FAM131A: variants seen among roughly 807,000 people sequenced by gnomAD.
FAM131A encodes the protein protein FAM131A.
Under a neutral mutation model 39.2 loss-of-function variants are expected in FAM131A, and 24 were observed. The ratio of observed to expected loss-of-function variants is 0.61; its 90% CI spans 0.44 to 0.86. The LOEUF is 0.86. FAM131A is among the 40% of genes least tolerant of loss of function. FAM131A has a pLI of 0.00. For synonymous variants in FAM131A, 202 were observed against 206.8 expected, an observed-to-expected ratio of 0.98 and a Z score of 0.20; for missense variants, 373 against 481.2, an observed-to-expected ratio of 0.78 and a Z score of 2.10.
At position 184,338,477 on chromosome 3, in the gene FAM131A, G is replaced by T; in HGVS notation, c.179G>T (p.Gly60Val). ...TTGGGATCTGCTCGAACCCTCCGAG[G>T]CTGGAGCAGGTCCTCCCGCCCTTCC... ...SSLGSARTLR[G>V]WSRSSRPSSV... Residue 60 changes from glycine (G) to valine (V), a missense_variant, in exon 2 of 6, where the codon GGC (glycine) becomes GTC (valine). Gly to Val is a moderately radical substitution (Grantham distance 109). This residue lies in a region of FAM131A where 221 missense variants were observed against 347.7 expected (regional missense o/e 0.64). Coordinates refer to ENST00000383847, the MANE Select transcript of FAM131A (RefSeq NM_144635.5). The T allele has an allele frequency of 2.0e-6, 3 of 1,535,994 alleles. No individual in the cohort carries two copies.
At position 184,344,732 on chromosome 3, in the gene FAM131A, G is replaced by A; in HGVS notation, c.863G>A (p.Ser288Asn). 1 of 1,612,306 alleles carries A rather than the reference G, an allele frequency of 6.2e-7. No individual in the cohort carries two copies. Among genetic ancestry groups the A allele is most frequent in the Non-Finnish European group, 8.5e-7 (1 of 1,179,988 alleles). Residue 288 changes from serine (S) to asparagine (N), a missense_variant, in exon 6 of 6, where the codon AGC becomes AAC. Transcript: ENST00000383847. ...CTGCTTCTCGCCAAACTGCCCCCCA[G>A]CCGGGAAAGTGCCTTCCGCAGCCTG... The part of the protein sequence containing the change: ...DELLLAKLPP[S>N]RESAFRSLGP...
Position 184,344,728 on chromosome 3 carries a change from C to G in FAM131A, c.859C>G (p.Pro287Ala). 6.2e-7 allele frequency: 1 copy of G among 1,612,404 alleles called. No individual in the cohort carries two copies. Among genetic ancestry groups the G allele is most frequent in the Non-Finnish European group, 8.5e-7 (1 of 1,179,998 alleles). ...GDELLLAKLPPSRESAFRSLG... is the reference protein window; with the variant it reads ...GDELLLAKLPASRESAFRSLG... ...TGAGCTGCTTCTCGCCAAACTGCCC[C>G]CCAGCCGGGAAAGTGCCTTCCGCAG... Residue 287 changes from proline to alanine, a missense_variant, in exon 6 of 6, where the codon CCC becomes GCC. Around this residue, in one of 2 missense-constraint regions of FAM131A, gnomAD observed 152 missense variants for 133.5 expected, o/e 1.14. Coordinates refer to ENST00000383847, the MANE Select transcript of FAM131A (RefSeq NM_144635.5).
chr3:184,341,927 C>T, intron 3 of FAM131A, 110 bp downstream of exon 3: 1 of 1,502,248 alleles, frequency 6.7e-7, no homozygotes, highest in East Asian at 2.3e-5. Flanking sequence ...CCTTTCTTCC[C>T]TTGCTCAGGT....
In FAM131A at chr3:184,342,527, T is replaced by C. The variant is rs1727431236; in HGVS notation, c.509-217T>C. Among the ~76,000 whole-genome samples, 1 of 152,054 alleles carries C rather than the reference T, an allele frequency of 6.6e-6. No homozygotes were observed. Among genetic ancestry groups the C allele is most frequent in the Non-Finnish European group, 1.5e-5 (1 of 68,008 alleles). ...TTCACCGTCTAGGCCAGGCTGGTCT[T>C]GAACTCCTGACCTAGTGATCCACCT... On this transcript the variant is annotated intron_variant, in intron 4 of 5. Transcript: ENST00000383847. The surrounding 1 kb of genome is among the most constrained non-coding windows in gnomAD (Gnocchi z 4.6).
At position 184,342,324 on chromosome 3, in the gene FAM131A, T is replaced by C; in HGVS notation, c.508+76T>C. 1 of 1,472,738 alleles carries C rather than the reference T, an allele frequency of 6.8e-7. No homozygotes were observed. Among genetic ancestry groups the C allele is most frequent in the African/African-American group, 1.4e-5 (1 of 71,050 alleles). The allele number at this position is 1,472,738 out of a possible 1,614,324, so 91.2% of individuals were successfully genotyped here. On this transcript the variant is annotated intron_variant, in intron 4 of 5. Transcript: ENST00000383847. This position sits in a 1 kb window ranked among gnomAD's most constrained non-coding sequence, Gnocchi z 4.6. ...TTTCTTTATTTTATTTAATTTTTTT[T>C]TGAGACGGAGTCTCACTCTGTCGCC...
intron 5 of FAM131A, 113 bp from the exon 6 acceptor site, chr3:184,344,382 C>A: frequency 2.0e-6 from 2 of 1,008,686 alleles, no homozygotes; most frequent in Non-Finnish European, 2.9e-6. Flanking sequence ...GGTTACCCAG[C>A]ACCTATCCAC....
chr3:184,338,740 C>T, intron 2 of FAM131A: 1 of 552,406 alleles, frequency 1.8e-6, no homozygotes, highest in Non-Finnish European at 3.1e-6. Context: ...TCCGCGCTGA[C>T]GTCAGCGCAT....
At chr3:184,337,907 T>G (rs569628570) in intron 1 of FAM131A, among the ~76,000 whole-genome samples, 189 bp downstream of exon 1, 4 of 151,562 alleles carry the variant, frequency 2.6e-5, no homozygotes, top group Admixed American at 6.6e-5. Context: ...TCAGAAAAAA[T>G]ATCATGAGTT....
Position 184,344,782 on chromosome 3 carries a change from C to T in FAM131A, c.913C>T (p.Leu305Phe), listed in dbSNP as rs1422993247. Residue 305 changes from leucine (L) to phenylalanine (F), a missense_variant, in exon 6 of 6, where the codon CTC becomes TTC. Coordinates refer to ENST00000383847, the MANE Select transcript of FAM131A (RefSeq NM_144635.5). The stretch of plus-strand genomic sequence containing the variant: ...GGGCCCACTGGAGGCCCAGGACTCA[C>T]TCTACAACTCGCCCCTCACAGAGTC... The part of the protein sequence containing the change: ...SLGPLEAQDS[L>F]YNSPLTESCL... 2 of 1,612,302 alleles carry T rather than the reference C, an allele frequency of 1.2e-6. No homozygotes were observed. The highest frequency in any genetic ancestry group is 2.2e-5 in the South Asian group (2 of 91,090).
At position 184,344,813 on chromosome 3, in the gene FAM131A, T is replaced by A; in HGVS notation, c.944T>A (p.Leu315His). The A allele has an allele frequency of 6.2e-7, 1 of 1,612,202 alleles. No individual in the cohort carries two copies. The highest frequency in any genetic ancestry group is 1.3e-5 in the African/African-American group (1 of 75,062). ...LYNSPLTESC[L>H]SPAEEEPAPC... ...AACTCGCCCCTCACAGAGTCCTGCC[T>A]TTCCCCCGCGGAGGAGGAGCCAGCC... is the stretch of plus-strand genomic sequence containing the variant. The change falls in exon 6 of 6, where the codon CTT becomes CAT. Residue 315 changes from leucine (L) to histidine (H), a missense_variant. Coordinates refer to ENST00000383847, the MANE Select transcript of FAM131A (RefSeq NM_144635.5).
At chr3:184,344,143 G>A (rs752756234) in intron 5 of FAM131A, among the ~76,000 whole-genome samples, 8 of 152,148 alleles carry the variant, frequency 5.3e-5, no homozygotes, top group Non-Finnish European at 8.8e-5. Context: ...GTGCCACCAC[G>A]CCCGGCTAAT....
In FAM131A at chr3:184,344,441, T is replaced by C. The variant is rs577325416; in HGVS notation, c.626-54T>C. 1,696 of 1,475,714 alleles carry C rather than the reference T, an allele frequency of 1.1e-3. 15 individuals are homozygous for C. Among genetic ancestry groups the C allele is most frequent in the East Asian group, 5.3e-3 (232 of 43,536 alleles). The allele number at this position is 1,475,714 out of a possible 1,614,324, so 91.4% of individuals were successfully genotyped here. A position where few individuals can be genotyped will look rare whatever the true frequency, so the allele number is the denominator to read the frequency against. ...AGTGGGGTGAATGTGGCTTCCAGGTTGTCCAGTTGAAATGGAGCCAGCAGG... is the reference window on the plus strand; with the variant it reads ...AGTGGGGTGAATGTGGCTTCCAGGTCGTCCAGTTGAAATGGAGCCAGCAGG... On this transcript the variant is annotated intron_variant, in intron 5 of 5. Transcript: ENST00000383847.
chr3:184,345,816 T>A lies in FAM131A; in HGVS notation c.*846T>A. 1 of 551,530 alleles carries A rather than the reference T, an allele frequency of 1.8e-6. No individual in the cohort carries two copies. The highest frequency in any genetic ancestry group is 3.1e-5 in the East Asian group (1 of 32,136). 34.2% of individuals were successfully genotyped at this position (551,530 alleles called of 1,614,324 possible). On this transcript the variant is annotated 3_prime_UTR_variant, in exon 6 of 6. Transcript: ENST00000383847. ...GCTCTGGTTGCCACAGAGCTGGGACTTCATGTTCTTCTAGAGAGGGCCACA... is the reference window on the plus strand; with the variant it reads ...GCTCTGGTTGCCACAGAGCTGGGACATCATGTTCTTCTAGAGAGGGCCACA...
Position 184,346,029 on chromosome 3 carries a change from G to A in FAM131A, c.*1059G>A, listed in dbSNP as rs569263762. On this transcript the variant is annotated 3_prime_UTR_variant, in exon 6 of 6. Transcript: ENST00000383847. The surrounding 1 kb of genome is among the most constrained non-coding windows in gnomAD (Gnocchi z 6.0). Reference sequence around the variant, plus strand: ...CCCCAGCCAGGGTGTTAATGCCCACGTAGTGGAGGCCTCTGGCAGATCCTG... The same window carrying A: ...CCCCAGCCAGGGTGTTAATGCCCACATAGTGGAGGCCTCTGGCAGATCCTG... 4.1e-4 allele frequency: 77 copies of A among 186,686 alleles called. No individual in the cohort carries two copies. The highest frequency in any genetic ancestry group is 1.7e-3 in the African/African-American group (73 of 42,156). 11.6% of individuals were successfully genotyped at this position (186,686 alleles called of 1,614,324 possible). A position where few individuals can be genotyped will look rare whatever the true frequency, so the allele number is the denominator to read the frequency against.
Position 184,345,235 on chromosome 3 carries a change from C to T in FAM131A, c.*265C>T, listed in dbSNP as rs1487022221. On this transcript the variant is annotated 3_prime_UTR_variant, in exon 6 of 6. Transcript: ENST00000383847. ...GGGGCATGGCTACAGCTGTGGCAGA[C>T]AGTGATGTTCATGTTCTTAAAATGC... 2 of 570,012 alleles carry T rather than the reference C, an allele frequency of 3.5e-6. No homozygotes were observed. Among genetic ancestry groups the T allele is most frequent in the Admixed American group, 3.5e-5 (1 of 28,946 alleles). The allele number at this position is 570,012 out of a possible 1,614,324, so 35.3% of individuals were successfully genotyped here.
rs1727554280 is a variant in FAM131A, at chr3:184,344,780, C to A, written c.911C>A (p.Ser304Ter). ...RSLGPLEAQDSLYNSPLTESC... is the reference protein window; with the variant it reads ...RSLGPLEAQD ...CTGGGCCCACTGGAGGCCCAGGACT[C>A]ACTCTACAACTCGCCCCTCACAGAG... Residue 304 changes from serine (S) to a stop codon, truncating the protein, a stop_gained, in exon 6 of 6, where the codon TCA becomes TAA. Coordinates refer to ENST00000383847, the MANE Select transcript of FAM131A (RefSeq NM_144635.5). LOFTEE classifies it high-confidence loss of function. 6.2e-7 allele frequency: 1 copy of A among 1,612,346 alleles called. No homozygotes were observed. Among genetic ancestry groups the A allele is most frequent in the East Asian group, 2.2e-5 (1 of 44,880 alleles).
rs1423861706 is a variant in FAM131A at position 184,342,845 on chromosome 3, G to A, written c.610G>A (p.Gly204Arg). The A allele has an allele frequency of 1.2e-6, 2 of 1,612,964 alleles. No homozygotes were observed. Among genetic ancestry groups the A allele is most frequent in the East Asian group, 2.2e-5 (1 of 44,840 alleles). The change falls in exon 5 of 6, where the codon GGG (glycine) becomes AGG (arginine). Residue 204 changes from glycine (G) to arginine (R), a missense_variant. This residue lies in a region of FAM131A where 221 missense variants were observed against 347.7 expected (regional missense o/e 0.64). Coordinates refer to ENST00000383847, the MANE Select transcript of FAM131A (RefSeq NM_144635.5). This position sits in a 1 kb window ranked among gnomAD's most constrained non-coding sequence, Gnocchi z 4.6. Reference protein sequence around the residue: ...TDDSYDEDFAGGMDTDMAGQL... With the variant: ...TDDSYDEDFARGMDTDMAGQL... The stretch of plus-strand genomic sequence containing the variant: ...TGACTCCTATGATGAGGACTTTGCT[G>A]GGGGAATGGACACAGGTGAGGGACA...
chr3:184,339,442 G>T (rs1401026207), intron 2 of FAM131A: 5 of 152,312 alleles, frequency 3.3e-5, no homozygotes, highest in Middle Eastern at 6.8e-3. Flanking sequence ...AAGGGTTTTT[G>T]TTTTTTGTTA....
At chr3:184,341,436 G>T (rs1577287794) in intron 2 of FAM131A, 1 of 502,754 alleles carries the variant, frequency 2.0e-6, no homozygotes, top group Non-Finnish European at 3.6e-6. Context: ...CTCACTCGTG[G>T]TTCTTCATTT....
Sources: gnomAD v4.1 joint callset for allele counts (sites outside exome capture counted in the v4.1 genomes callset) on GRCh38, gnomAD v4.1.1 for gene constraint, gnomAD v4.1.1 regional missense constraint, Gnocchi (gnomAD v3.1) non-coding constraint, MANE v1.5 for transcripts, NCBI Gene and HGNC (gene_info 2026-07-23, HGNC 2026-07-21) for gene names.